Variants in DNAH9 observed in about 807,000 individuals in gnomAD.
DNAH9 encodes the protein dynein axonemal heavy chain 9, also known as DNAH9 variant protein.
A neutral mutation model predicts 471.6 loss-of-function variants in DNAH9; 345 were observed. The ratio of observed to expected loss-of-function variants is 0.73; its 90% CI spans 0.67 to 0.80. DNAH9 has a LOEUF of 0.80. Among genes scored for constraint, DNAH9 ranks in the 30% least tolerant of loss-of-function variants. The probability of loss-of-function intolerance (pLI) is 0.00; values close to 1 mark genes in which losing one functional copy is unlikely to be tolerated. For synonymous variants in DNAH9, 2,093 were observed against 2,123.6 expected (o/e 0.99, Z 0.40); for missense variants, 5,407 against 5,609.2 (o/e 0.96, Z 1.15).
intron 28 of DNAH9, among the ~76,000 whole-genome samples, chr17:11,730,605 A>G (rs1050853803): frequency 1.3e-5 from 2 of 152,202 alleles, no homozygotes; most frequent in African/African-American, 2.4e-5. Flanking sequence ...CAAGGTCCAC[A>G]TCTGTAAAGG....
At chr17:11,805,791 G>T (rs558701762) in intron 43 of DNAH9, among the ~76,000 whole-genome samples, 20 of 152,118 alleles carry the variant, frequency 1.3e-4, no homozygotes, top group Admixed American at 7.9e-4. Context: ...AACCTCAGGT[G>T]ATCCCCCCAC....
chr17:11,670,861 G>A (rs757619840), intron 17 of DNAH9, among the ~76,000 whole-genome samples: 1 of 152,076 alleles, frequency 6.6e-6, no homozygotes, highest in Admixed American at 6.5e-5. Context: ...GTGCCACCAC[G>A]CCTGGGTAAT....
chr17:11,961,042 C>G (rs760021248), intron 67 of DNAH9, among the ~76,000 whole-genome samples: 5 of 152,170 alleles, frequency 3.3e-5, no homozygotes, highest in African/African-American at 1.2e-4. Context: ...AGGCCGGGCG[C>G]GGTGGCTCAT....
chr17:11,647,167 C>T lies in DNAH9; in HGVS notation c.2066C>T (p.Thr689Met), dbSNP rs145074455. ...SQPLLKRDPE[T>M]KEITINFNPQ... ...CCACTTCTAAAACGTGACCCAGAGACGAAGGAGATCACTATCAACTTTAAC... is the reference window on the plus strand; with the variant it reads ...CCACTTCTAAAACGTGACCCAGAGATGAAGGAGATCACTATCAACTTTAAC... Residue 689 changes from threonine to methionine, a missense_variant, in exon 12 of 69, where the codon ACG (threonine) becomes ATG (methionine). This residue lies in a region of DNAH9 where 4,636 missense variants were observed against 4,900.3 expected (regional missense o/e 0.95). Coordinates refer to ENST00000262442, the MANE Select transcript of DNAH9 (RefSeq NM_001372.4). The T allele has an allele frequency of 2.1e-4, 337 of 1,613,906 alleles. 1 individual carries two copies. The African/African-American group carries it at 3.7e-3, about 18-fold the overall frequency.
chr17:11,691,860 G>A (rs534551309), intron 20 of DNAH9, among the ~76,000 whole-genome samples: 4 of 152,264 alleles, frequency 2.6e-5, no homozygotes, highest in Non-Finnish European at 4.4e-5. Flanking sequence ...CTGGAGTGTA[G>A]TGGTGCGATC....
rs761461230 is a variant in DNAH9 at position 11,652,889 on chromosome 17, A to G, written c.2482A>G (p.Thr828Ala). 5 of 1,613,986 alleles carry G rather than the reference A, an allele frequency of 3.1e-6. No homozygotes were observed. Among genetic ancestry groups the G allele is most frequent in the Non-Finnish European group, 4.2e-6 (5 of 1,179,956 alleles). ...AACATGGGTGACTCCAATATTTAAG[A>G]CAAAAGATGGAAAAAGGGAATCCCT... is the stretch of plus-strand genomic sequence containing the variant. ...MKTWVTPIFK[T>A]KDGKRESLLS... is the part of the protein sequence containing the mutation. Residue 828 changes from threonine to alanine, a missense_variant, in exon 14 of 69, where the codon ACA (threonine) becomes GCA (alanine). Thr to Ala is a moderately conservative substitution (Grantham distance 58). Transcript: ENST00000262442.
chr17:11,960,271 A>G (rs1344325706), intron 67 of DNAH9, among the ~76,000 whole-genome samples: 1 of 151,708 alleles, frequency 6.6e-6, no homozygotes, highest in East Asian at 1.9e-4. Context: ...CCCCGTCTCT[A>G]CTAAAAATAC....
intron 38 of DNAH9, among the ~76,000 whole-genome samples, chr17:11,775,643 C>G (rs1464150349): frequency 8.0e-6 from 1 of 125,010 alleles, no homozygotes; most frequent in African/African-American, 3.1e-5. Context: ...CTTGCTCTGT[C>G]CCCCAGGCTG....
At chr17:11,670,032 C>T (rs2073949303) in intron 17 of DNAH9, among the ~76,000 whole-genome samples, 1 of 152,116 alleles carries the variant, frequency 6.6e-6, no homozygotes, top group Non-Finnish European at 1.5e-5. Flanking sequence ...GTGAAAGGCA[C>T]GTGGTTAAGT....
At chr17:11,660,385 C>T (rs1223442413) in intron 14 of DNAH9, among the ~76,000 whole-genome samples, 1 of 133,126 alleles carries the variant, frequency 7.5e-6, no homozygotes, top group Non-Finnish European at 1.5e-5. Context: ...TGCAGAGGTA[C>T]TGTCTCAACT....
intron 49 of DNAH9, among the ~76,000 whole-genome samples, chr17:11,845,008 T>A (rs1380767248): frequency 1.3e-5 from 2 of 152,056 alleles, no homozygotes; most frequent in African/African-American, 2.4e-5. Context: ...TCTTTTTTTT[T>A]TTATTTATTA....
intron 44 of DNAH9, among the ~76,000 whole-genome samples, chr17:11,808,913 A>G (rs1969787255): frequency 6.6e-6 from 1 of 152,174 alleles, no homozygotes; most frequent in African/African-American, 2.4e-5. Context: ...AGAGGATGCG[A>G]TGAGAACCAT....
chr17:11,872,534 C>A (rs1411838611), intron 52 of DNAH9, among the ~76,000 whole-genome samples: 1 of 152,144 alleles, frequency 6.6e-6, no homozygotes, highest in South Asian at 2.1e-4. Context: ...GTGTGTCCTA[C>A]CACTCCACTA....
chr17:11,704,686 T>C (rs1416336843), intron 25 of DNAH9, among the ~76,000 whole-genome samples: 1 of 151,384 alleles, frequency 6.6e-6, no homozygotes, highest in Non-Finnish European at 1.5e-5. Context: ...CGGGTTCAAG[T>C]GATTCTCCTG....
intron 17 of DNAH9, among the ~76,000 whole-genome samples, chr17:11,674,191 G>T (rs1288012869): frequency 6.6e-6 from 1 of 152,144 alleles, no homozygotes; most frequent in African/African-American, 2.4e-5. Flanking sequence ...CAATGTTGCT[G>T]TAAGAACTCT....
intron 61 of DNAH9, among the ~76,000 whole-genome samples, chr17:11,912,886 G>A (rs964013238): frequency 6.6e-6 from 1 of 151,958 alleles, no homozygotes; most frequent in African/African-American, 2.4e-5. Context: ...AGATTTTGTA[G>A]GCCAGGCACT....
At chr17:11,692,783 A>G (rs1237692969) in intron 20 of DNAH9, among the ~76,000 whole-genome samples, 1 of 152,180 alleles carries the variant, frequency 6.6e-6, no homozygotes, top group Non-Finnish European at 1.5e-5. Flanking sequence ...TTTTCTGTTA[A>G]GTCAGATATT....
At chr17:11,829,455 T>G (rs1970615375) in intron 48 of DNAH9, among the ~76,000 whole-genome samples, 1 of 152,204 alleles carries the variant, frequency 6.6e-6, no homozygotes, top group African/African-American at 2.4e-5. Flanking sequence ...CAAACTTATT[T>G]ATTTACTTAT....
At chr17:11,820,035 A>C (rs1427874961) in intron 45 of DNAH9, among the ~76,000 whole-genome samples, 1 of 152,138 alleles carries the variant, frequency 6.6e-6, no homozygotes, top group Non-Finnish European at 1.5e-5. Context: ...TTGAAAGAGA[A>C]TATTTTAGTA....
Sources: allele counts gnomAD v4.1 joint callset (sites outside exome capture counted in the v4.1 genomes callset), GRCh38; gene constraint gnomAD v4.1.1; regional missense constraint gnomAD v4.1.1; transcripts MANE v1.5; gene names NCBI Gene and HGNC (gene_info 2026-07-23, HGNC 2026-07-21).